VAX2: variants seen among roughly 807,000 people sequenced by gnomAD.
VAX2 encodes ventral anterior homeobox 2.
Under a neutral mutation model 12.5 loss-of-function variants are expected in VAX2, and 8 were observed. That is an observed-to-expected ratio of 0.64 (90% CI 0.37 to 1.15). VAX2 has a LOEUF of 1.15. VAX2 is among the 50% of genes most tolerant of loss of function. VAX2 has a pLI of 0.01. For missense variants in VAX2, 476 were observed against 412.9 expected (o/e 1.15, Z -1.32); for synonymous variants, 183 against 187.6 (o/e 0.98, Z 0.20).
intron 1 of VAX2, among the ~76,000 whole-genome samples, chr2:70,903,220 T>C (rs781802938): frequency 2.6e-5 from 4 of 152,230 alleles, no homozygotes; most frequent in Non-Finnish European, 4.4e-5. Flanking sequence ...ACTTTGCCCT[T>C]GACCTCAGAG....
At chr2:70,921,423 T>C (rs1272862652) in intron 2 of VAX2, 138 bp downstream of exon 2, 2 of 1,024,012 alleles carry the variant, frequency 2.0e-6, no homozygotes, top group African/African-American at 3.3e-5. Context: ...GACTTTAAGC[T>C]ACAGGTAAAC....
intron 1 of VAX2, among the ~76,000 whole-genome samples, chr2:70,916,478 GT>G (rs1679307640): frequency 6.6e-6 from 1 of 152,100 alleles, no homozygotes; most frequent in Non-Finnish European, 1.5e-5. Flanking sequence ...CCATGATACA[GT>G]ACTGTGGTGT....
chr2:70,929,728 C>G (rs1679654360), intron 2 of VAX2, among the ~76,000 whole-genome samples: 1 of 151,376 alleles, frequency 6.6e-6, no homozygotes, highest in Non-Finnish European at 1.5e-5. Context: ...TCCAGTAATT[C>G]ATTTTAATTG....
At chr2:70,923,267 T>G (rs559627059) in intron 2 of VAX2, among the ~76,000 whole-genome samples, 4 of 152,294 alleles carry the variant, frequency 2.6e-5, no homozygotes, top group African/African-American at 9.6e-5. Flanking sequence ...AATGGACAGC[T>G]GATGCTTATT....
At chr2:70,923,054 CAT>C (rs1244102899) in intron 2 of VAX2, among the ~76,000 whole-genome samples, 7 of 151,970 alleles carry the variant, frequency 4.6e-5, no homozygotes, top group African/African-American at 7.3e-5. Flanking sequence ...TGCATGTGTA[CAT>C]GTGTGTGGTG....
rs530045707 is a variant in VAX2 at position 70,904,437 on chromosome 2, A to G, written c.247+3569A>G. Reference sequence around the variant, plus strand: ...CACGCTCAAACGCACCTGTTTCCCAAATTAATCCAGACGCGAATTTAACGA... The same window carrying G: ...CACGCTCAAACGCACCTGTTTCCCAGATTAATCCAGACGCGAATTTAACGA... On this transcript the variant is annotated intron_variant, in intron 1 of 2. Coordinates refer to ENST00000234392, the MANE Select transcript of VAX2 (RefSeq NM_012476.3). This position sits in a 1 kb window ranked among gnomAD's most constrained non-coding sequence, Gnocchi z 4.2. Among the ~76,000 whole-genome samples, 3 of 152,158 alleles carry G rather than the reference A, an allele frequency of 2.0e-5. No homozygotes were observed. The highest frequency in any genetic ancestry group is 7.2e-5 in the African/African-American group (3 of 41,432).
At chr2:70,928,810 A>C (rs1374605727) in intron 2 of VAX2, among the ~76,000 whole-genome samples, 1 of 152,234 alleles carries the variant, frequency 6.6e-6, no homozygotes, top group Non-Finnish European at 1.5e-5. Context: ...AGAAACAGAG[A>C]AAGCCAGCGA....
intron 1 of VAX2, among the ~76,000 whole-genome samples, chr2:70,910,640 C>T (rs1338796344): frequency 5.3e-5 from 8 of 151,896 alleles, no homozygotes; most frequent in Non-Finnish European, 1.5e-5. Flanking sequence ...TTAATATTCT[C>T]TTCTGTGAAT....
intron 1 of VAX2, among the ~76,000 whole-genome samples, chr2:70,919,076 C>T (rs1188382018): frequency 6.0e-5 from 9 of 149,984 alleles, no homozygotes; most frequent in African/African-American, 4.9e-5. Flanking sequence ...GTGGCGCACG[C>T]CTGTAGTCCC....
intron 2 of VAX2, chr2:70,924,345 C>CTTATTTATTTATTTAT (rs55918014): frequency 7.4e-4 from 111 of 150,400 alleles, no homozygotes; most frequent in African/African-American, 2.2e-3. Context: ...AACAGTAAGT[C>CTTATTTATTTATTTAT]TTATTTATTT....
rs1241828874 is a variant in VAX2, at chr2:70,933,288, G to A, written c.*84G>A. On this transcript the variant is annotated 3_prime_UTR_variant, in exon 3 of 3. Transcript: ENST00000234392. ...CAGCGGACAGCACTGAGCAGGCCCC[G>A]GAGAGGAGGGGCTGCAGCCACACAC... The A allele has an allele frequency of 1.5e-5, 19 of 1,302,252 alleles. No homozygotes were observed. The highest frequency in any genetic ancestry group is 2.9e-5 in the East Asian group (1 of 34,488). The allele number at this position is 1,302,252 out of a possible 1,614,324, so 80.7% of individuals were successfully genotyped here. A position where few individuals can be genotyped will look rare whatever the true frequency, so the allele number is the denominator to read the frequency against.
chr2:70,914,741 T>G (rs1553411701), intron 1 of VAX2, among the ~76,000 whole-genome samples: 1 of 152,088 alleles, frequency 6.6e-6, no homozygotes, highest in Admixed American at 6.5e-5. Context: ...TTTAGCTGTC[T>G]TTTTTTGTGA....
chr2:70,900,829 C>A lies in VAX2; in HGVS notation c.208C>A (p.Pro70Thr). 2.7e-6 allele frequency: 4 copies of A among 1,472,942 alleles called. No individual in the cohort carries two copies. Among genetic ancestry groups the A allele is most frequent in the East Asian group, 2.8e-5 (1 of 35,366 alleles). 91.2% of individuals were successfully genotyped at this position (1,472,942 alleles called of 1,614,324 possible). ...AGCCGACAGCGACGGGCAGCCCGGG[C>A]CCGGCGAGGCAGACCACTGCCGCCG... Reference protein sequence around the residue: ...SGADSDGQPGPGEADHCRRIL... With the variant: ...SGADSDGQPGTGEADHCRRIL... Residue 70 changes from proline to threonine, a missense_variant, in exon 1 of 3, where the codon CCC becomes ACC. Transcript: ENST00000234392.
At chr2:70,906,907 G>A (rs560745597) in intron 1 of VAX2, among the ~76,000 whole-genome samples, 1 of 152,298 alleles carries the variant, frequency 6.6e-6, no homozygotes, top group South Asian at 2.1e-4. Flanking sequence ...CAAAGACCAC[G>A]TAGGAGGTGG....
chr2:70,930,996 G>A (rs1229351639), intron 2 of VAX2, among the ~76,000 whole-genome samples: 1 of 152,154 alleles, frequency 6.6e-6, no homozygotes, highest in Non-Finnish European at 1.5e-5. Flanking sequence ...AGATGCTGTG[G>A]CCTGATGAGT....
At chr2:70,932,717 T>C (rs1168427813) in intron 2 of VAX2, 50 bp from the exon 3 acceptor site, 1 of 1,178,630 alleles carries the variant, frequency 8.5e-7, no homozygotes, top group African/African-American at 1.7e-5. Context: ...GCCCCCACTT[T>C]GCTTTGCCTG....
rs781854813 is a variant in VAX2, at chr2:70,933,113, G to T, written c.782G>T (p.Gly261Val). 1.9e-6 allele frequency: 3 copies of T among 1,609,244 alleles called. No individual in the cohort carries two copies. Among genetic ancestry groups the T allele is most frequent in the Non-Finnish European group, 1.7e-6 (2 of 1,178,102 alleles). ...SSAPLLDLPA[G>V]YELGSSAFEP... is the part of the protein sequence containing the mutation. ...GCCCCGCTCCTGGATCTGCCTGCCG[G>T]CTACGAACTGGGTTCCTCGGCCTTC... The change falls in exon 3 of 3, where the codon GGC (glycine) becomes GTC (valine). Residue 261 changes from glycine to valine, a missense_variant. Gly to Val is a moderately radical substitution (Grantham distance 109). Transcript: ENST00000234392.
At chr2:70,921,015 A>C in intron 1 of VAX2, 83 bp from the exon 2 acceptor site, 1 of 1,420,494 alleles carries the variant, frequency 7.0e-7, no homozygotes, top group Non-Finnish European at 9.3e-7. Context: ...GCGATAGATC[A>C]CACCACCTTT....
chr2:70,922,129 T>C (rs1346576330), intron 2 of VAX2, among the ~76,000 whole-genome samples: 1 of 152,214 alleles, frequency 6.6e-6, no homozygotes, highest in Admixed American at 6.5e-5. Flanking sequence ...ATCTTTATGC[T>C]GCCTATAAAC....
Sources: allele counts gnomAD v4.1 joint callset (sites outside exome capture counted in the v4.1 genomes callset), GRCh38; gene constraint gnomAD v4.1.1; non-coding constraint Gnocchi (gnomAD v3.1); transcripts MANE v1.5; gene names NCBI Gene and HGNC (gene_info 2026-07-23, HGNC 2026-07-21).